BACE2: variants seen among roughly 807,000 people sequenced by gnomAD.
The protein encoded by BACE2 is beta-secretase 2.
BACE2 carries 17 observed loss-of-function variants against 46.2 expected under a neutral mutation model. The observed-to-expected ratio is 0.37, with a 90% CI of 0.25 to 0.55. The LOEUF is 0.55. Ranked by LOEUF, BACE2 falls within the 20% of genes least tolerant of loss-of-function variation. The pLI is 0.82. For missense variants in BACE2, 595 were observed against 698.1 expected (o/e 0.85, Z 1.66); for synonymous variants, 277 against 295.9 (o/e 0.94, Z 0.66).
intron 1 of BACE2, among the ~76,000 whole-genome samples, chr21:41,215,420 G>A (rs148735713): frequency 1.6e-4 from 24 of 152,270 alleles, no homozygotes; most frequent in African/African-American, 5.5e-4. Flanking sequence ...CAGGACACAG[G>A]CACCATCATC....
intron 1 of BACE2, among the ~76,000 whole-genome samples, chr21:41,224,875 A>C (rs1284822037): frequency 6.6e-6 from 1 of 152,230 alleles, no homozygotes; most frequent in Non-Finnish European, 1.5e-5. Flanking sequence ...CCCATTGCTC[A>C]TGGGAATATA....
Position 41,168,271 on chromosome 21 carries a change from C to T in BACE2, c.8C>T (p.Ala3Val). The change falls in exon 1 of 9, where the codon GCA (alanine) becomes GTA (valine). Residue 3 changes from alanine to valine, a missense_variant. Coordinates refer to ENST00000330333, the MANE Select transcript of BACE2 (RefSeq NM_012105.5). ...CCGGGCCCCGCCGTGGGCATGGGCG[C>T]ACTGGCCCGGGCGCTGCTGCTGCCT... is the stretch of plus-strand genomic sequence containing the variant. MG[A>V]LARALLLPLL... The T allele has an allele frequency of 1.7e-6, 2 of 1,201,844 alleles. No individual in the cohort carries two copies. The highest frequency in any genetic ancestry group is 7.6e-5 in the South Asian group (2 of 26,200). 74.4% of individuals were successfully genotyped at this position (1,201,844 alleles called of 1,614,324 possible).
intron 7 of BACE2, among the ~76,000 whole-genome samples, chr21:41,253,802 A>G (rs1987705223): frequency 6.6e-6 from 1 of 152,214 alleles, no homozygotes; most frequent in Non-Finnish European, 1.5e-5. Flanking sequence ...GCTTTCACTT[A>G]TAATGGTAGA....
chr21:41,207,652 G>GGCTGTCTTCA (rs57194575), intron 1 of BACE2, among the ~76,000 whole-genome samples: 6,481 of 151,772 alleles, frequency 0.043, 446 homozygotes, highest in African/African-American at 0.14. Flanking sequence ...TCCTGGTGCA[G>GGCTGTCTTCA]GAGGGACTGT....
At chr21:41,179,456 G>A (rs1242555194) in intron 1 of BACE2, 3 of 1,325,066 alleles carry the variant, frequency 2.3e-6, no homozygotes, top group Admixed American at 4.3e-5. Context: ...GGTGAGTGAG[G>A]GTGTCCAGGG....
chr21:41,281,906 CGAAT>C lies in BACE2; in HGVS notation c.*6289_*6292del, dbSNP rs2088552937. ...TTACTCAGCACATATGAGAGGGCAG[CGAAT>C]GAATGAGATTTGTCATGTGCTAATA... On this transcript the variant is annotated 3_prime_UTR_variant, in exon 9 of 9. Coordinates refer to ENST00000330333, the MANE Select transcript of BACE2 (RefSeq NM_012105.5). 1 of 152,062 alleles carries C rather than the reference CGAAT, an allele frequency of 6.6e-6. No individual in the cohort carries two copies. The highest frequency in any genetic ancestry group is 1.5e-5 in the Non-Finnish European group (1 of 68,026). The allele number at this position is 152,062 out of a possible 1,614,324, so 9.4% of individuals were successfully genotyped here.
At chr21:41,256,168 G>A (rs1297087026) in intron 7 of BACE2, among the ~76,000 whole-genome samples, 2 of 151,916 alleles carry the variant, frequency 1.3e-5, no homozygotes, top group African/African-American at 4.8e-5. Context: ...TTATACAGGT[G>A]GCATGGTGAT....
rs928690357 is a variant in BACE2, at chr21:41,275,899, T to G, written c.*275T>G. On this transcript the variant is annotated 3_prime_UTR_variant, in exon 9 of 9. Transcript: ENST00000330333. Reference sequence around the variant, plus strand: ...GCTGCAGGCTCTATGGGGTTCGTTATGCCAAAGTGTCTACATGTGCCACCA... The same window carrying G: ...GCTGCAGGCTCTATGGGGTTCGTTAGGCCAAAGTGTCTACATGTGCCACCA... The G allele has an allele frequency of 1.1e-5, 5 of 436,776 alleles. No homozygotes were observed. The highest frequency in any genetic ancestry group is 1.2e-5 in the Non-Finnish European group (3 of 242,476). 27.1% of individuals were successfully genotyped at this position (436,776 alleles called of 1,614,324 possible).
Position 41,257,191 on chromosome 21 carries a change from A to G in BACE2, c.1168A>G (p.Asn390Asp). Residue 390 changes from asparagine to aspartate, a missense_variant, in exon 8 of 9, where the codon AAT becomes GAT. This residue lies in a region of BACE2 where 343 missense variants were observed against 419.4 expected (regional missense o/e 0.82). Transcript: ENST00000330333. Reference sequence around the variant, plus strand: ...TCAGCCCATGATGGGGGCCGGCCTGAATTATGAATGTTACCGATTCGGCAT... The same window carrying G: ...TCAGCCCATGATGGGGGCCGGCCTGGATTATGAATGTTACCGATTCGGCAT... ...YIQPMMGAGL[N>D]YECYRFGISP... 1 of 1,614,104 alleles carries G rather than the reference A, an allele frequency of 6.2e-7. No homozygotes were observed. The highest frequency in any genetic ancestry group is 2.2e-5 in the East Asian group (1 of 44,880).
chr21:41,189,654 A>G (rs929600155), intron 1 of BACE2, among the ~76,000 whole-genome samples: 1 of 152,178 alleles, frequency 6.6e-6, no homozygotes, highest in Non-Finnish European at 1.5e-5. Flanking sequence ...CTGTCTGTTC[A>G]TATTTAAAAG....
chr21:41,178,401 T>C (rs1984939503), intron 1 of BACE2: 1 of 152,170 alleles, frequency 6.6e-6, no homozygotes, highest in South Asian at 2.1e-4. Context: ...GAGAAAAAAT[T>C]TGAACCTGAC....
At position 41,275,669 on chromosome 21, in the gene BACE2, A is replaced by T; in HGVS notation, c.*45A>T. The T allele has an allele frequency of 6.3e-7, 1 of 1,599,482 alleles. No individual in the cohort carries two copies. Among genetic ancestry groups the T allele is most frequent in the Non-Finnish European group, 8.5e-7 (1 of 1,170,626 alleles). ...AGCAACCATGAACTCAGCTATTAAG[A>T]AAATCACATTTCCAGGGCAGCAGCC... On this transcript the variant is annotated 3_prime_UTR_variant, in exon 9 of 9. Coordinates refer to ENST00000330333, the MANE Select transcript of BACE2 (RefSeq NM_012105.5).
Position 41,280,130 on chromosome 21 carries a change from G to C in BACE2, c.*4506G>C, listed in dbSNP as rs897412282. On this transcript the variant is annotated 3_prime_UTR_variant, in exon 9 of 9. Transcript: ENST00000330333. ...ACACGTCTGTCCTAATCAAACTAGAGATGCCTCAAGGCCCACGCAGGACAC... is the reference window on the plus strand; with the variant it reads ...ACACGTCTGTCCTAATCAAACTAGACATGCCTCAAGGCCCACGCAGGACAC... 5 of 152,264 alleles carry C rather than the reference G, an allele frequency of 3.3e-5. No individual in the cohort carries two copies. Among genetic ancestry groups the C allele is most frequent in the African/African-American group, 1.2e-4 (5 of 41,434 alleles). The allele number at this position is 152,264 out of a possible 1,614,324, so 9.4% of individuals were successfully genotyped here. A position where few individuals can be genotyped will look rare whatever the true frequency, so the allele number is the denominator to read the frequency against.
chr21:41,213,460 A>G (rs1986359062), intron 1 of BACE2, among the ~76,000 whole-genome samples: 1 of 152,148 alleles, frequency 6.6e-6, no homozygotes, highest in Non-Finnish European at 1.5e-5. Flanking sequence ...ATCAAACCCC[A>G]CAAATCATGC....
At chr21:41,212,514 G>C (rs1986330565) in intron 1 of BACE2, among the ~76,000 whole-genome samples, 1 of 152,218 alleles carries the variant, frequency 6.6e-6, no homozygotes, top group Non-Finnish European at 1.5e-5. Context: ...GGGCAGGAAA[G>C]TGAGGTAGGC....
intron 8 of BACE2, among the ~76,000 whole-genome samples, chr21:41,258,342 T>C (rs1396335004): frequency 2.0e-5 from 3 of 152,160 alleles, no homozygotes; most frequent in Admixed American, 1.3e-4. Context: ...GGGGGTTTTG[T>C]AGGAATTTGA....
In BACE2 at chr21:41,250,797, T is replaced by C. The variant is rs938186540; in HGVS notation, c.1030T>C (p.Cys344Arg). 2 of 1,614,178 alleles carry C rather than the reference T, an allele frequency of 1.2e-6. No homozygotes were observed. Among genetic ancestry groups the C allele is most frequent in the Non-Finnish European group, 1.7e-6 (2 of 1,180,022 alleles). The change falls in exon 7 of 9, where the codon TGC becomes CGC. Residue 344 changes from cysteine to arginine, a missense_variant. This residue lies in a region of BACE2 where 343 missense variants were observed against 419.4 expected (regional missense o/e 0.82). Transcript: ENST00000330333. ...DGFWTGSQLA[C>R]WTNSETPWSY... ...TTTCTGGACTGGGTCCCAGCTGGCG[T>C]GCTGGACGAATTCGGAAACACCTTG...
intron 8 of BACE2, among the ~76,000 whole-genome samples, chr21:41,262,439 T>C (rs1987963579): frequency 6.6e-6 from 1 of 152,114 alleles, no homozygotes; most frequent in South Asian, 2.1e-4. Flanking sequence ...TAGTTTTATT[T>C]ATTTTTTTTT....
intron 8 of BACE2, among the ~76,000 whole-genome samples, chr21:41,267,373 G>A (rs543529017): frequency 3.3e-5 from 5 of 152,216 alleles, no homozygotes; most frequent in Middle Eastern, 3.4e-3. Flanking sequence ...AGTGTCCTAC[G>A]GCTACGAAAA....
Sources: gnomAD v4.1 joint callset for allele counts (sites outside exome capture counted in the v4.1 genomes callset) on GRCh38, gnomAD v4.1.1 for gene constraint, gnomAD v4.1.1 regional missense constraint, MANE v1.5 for transcripts, NCBI Gene and HGNC (gene_info 2026-07-23, HGNC 2026-07-21) for gene names.